Variants in SPIRE1 observed in about 807,000 individuals in gnomAD.
SPIRE1 encodes the protein protein spire homolog 1.
In SPIRE1, 40 loss-of-function variants were observed where a neutral mutation model predicts 94.1. That is an observed-to-expected ratio of 0.43 (90% confidence interval 0.33 to 0.55). The LOEUF (loss-of-function observed/expected upper bound fraction) is 0.55, where lower values mean the gene tolerates loss of function less well. Among genes scored for constraint, SPIRE1 ranks in the 20% least tolerant of loss-of-function variants. SPIRE1 has a pLI of 0.06. For missense variants in SPIRE1, 838 were observed against 975.2 expected (o/e 0.86, Z 1.87); for synonymous variants, 376 against 371.7 (o/e 1.01, Z -0.13).
At chr18:12,637,284 G>A (rs1285706979) in intron 1 of SPIRE1, among the ~76,000 whole-genome samples, 8 of 151,324 alleles carry the variant, frequency 5.3e-5, no homozygotes, top group African/African-American at 1.7e-4. Context: ...GCGTGAACCC[G>A]GGAGGCAGAG....
chr18:12,574,425 T>C (rs1326054329), intron 2 of SPIRE1, among the ~76,000 whole-genome samples: 4 of 152,100 alleles, frequency 2.6e-5, no homozygotes, highest in Non-Finnish European at 4.4e-5. Flanking sequence ...GGAGGTAGAA[T>C]GGACAGGACT....
At position 12,450,783 on chromosome 18, in the gene SPIRE1, T is replaced by A. The variant is rs534648733; in HGVS notation, c.2013-887A>T. 6 of 722,222 alleles carry A rather than the reference T, an allele frequency of 8.3e-6. No individual in the cohort carries two copies. In the East Asian group the frequency reaches 1.0e-4, roughly 12 times the overall value. The allele number at this position is 722,222 out of a possible 1,614,324, so 44.7% of individuals were successfully genotyped here. A position where few individuals can be genotyped will look rare whatever the true frequency, so the allele number is the denominator to read the frequency against. ...GAATTCCACCCCAAGATCAAATTCATAAACCCTGGCATCTCTATTGGAGAC... is the reference window on the plus strand; with the variant it reads ...GAATTCCACCCCAAGATCAAATTCAAAAACCCTGGCATCTCTATTGGAGAC... On this transcript the variant is annotated intron_variant, in intron 16 of 16. Transcript: ENST00000409402.
intron 10 of SPIRE1, among the ~76,000 whole-genome samples, chr18:12,467,553 A>C (rs1394565493): frequency 6.6e-6 from 1 of 152,244 alleles, no homozygotes. Context: ...TCTGCTGAGG[A>C]GTCATACACA....
chr18:12,494,938 T>C (rs888044769), intron 7 of SPIRE1, among the ~76,000 whole-genome samples: 1 of 148,688 alleles, frequency 6.7e-6, no homozygotes, highest in Non-Finnish European at 1.5e-5. Flanking sequence ...TAGTCCCAGC[T>C]ACTCGGGAGG....
At position 12,476,541 on chromosome 18, in the gene SPIRE1, CAAAAAAAAAAAA is replaced by C. The variant is rs558968043; in HGVS notation, c.1404+3146_1404+3157del. The stretch of plus-strand genomic sequence containing the variant: ...GGCTGGCAGAGCGAGACTCTGTCTC[CAAAAAAAAAAAA>C]AAAAAAAAAAAATATATATATATAT... On this transcript the variant is annotated intron_variant, in intron 10 of 16. Coordinates refer to ENST00000409402, the MANE Select transcript of SPIRE1 (RefSeq NM_001128626.2). Among the ~76,000 whole-genome samples the C allele has an allele frequency of 3.3e-3, 155 of 46,832 alleles. 1 individual carries two copies. The highest frequency in any genetic ancestry group is 0.025 in the Middle Eastern group (1 of 40). 30.7% of individuals were successfully genotyped at this position (46,832 alleles called of 152,430 possible).
intron 2 of SPIRE1, among the ~76,000 whole-genome samples, chr18:12,564,269 T>C (rs1787139914): frequency 6.6e-6 from 1 of 152,020 alleles, no homozygotes; most frequent in South Asian, 2.1e-4. Context: ...GCAAAGAAAG[T>C]TGGACTGGGT....
intron 4 of SPIRE1, among the ~76,000 whole-genome samples, chr18:12,533,467 G>T (rs1208283579): frequency 6.6e-6 from 1 of 152,098 alleles, no homozygotes; most frequent in Non-Finnish European, 1.5e-5. Context: ...TTAGAAAAAG[G>T]AACATCTCGC....
At chr18:12,616,533 T>A (rs1282097116) in intron 2 of SPIRE1, among the ~76,000 whole-genome samples, 1 of 152,178 alleles carries the variant, frequency 6.6e-6, no homozygotes. Flanking sequence ...AGTTGAAGAA[T>A]TTTTAAAAGG....
At chr18:12,596,142 G>T (rs1328646253) in intron 2 of SPIRE1, among the ~76,000 whole-genome samples, 1 of 152,202 alleles carries the variant, frequency 6.6e-6, no homozygotes, top group Admixed American at 6.5e-5. Context: ...GACTGTGTAT[G>T]AATGGAGTTT....
At chr18:12,591,256 G>A (rs1297781900) in intron 2 of SPIRE1, among the ~76,000 whole-genome samples, 4 of 152,258 alleles carry the variant, frequency 2.6e-5, no homozygotes, top group Admixed American at 2.6e-4. Flanking sequence ...AAAAGGAACT[G>A]CCAGTGCAAA....
intron 9 of SPIRE1, among the ~76,000 whole-genome samples, chr18:12,484,218 G>A (rs943438044): frequency 6.6e-6 from 1 of 152,158 alleles, no homozygotes; most frequent in Non-Finnish European, 1.5e-5. Context: ...CCAACTAATG[G>A]AAGCATCTTT....
intron 4 of SPIRE1, among the ~76,000 whole-genome samples, chr18:12,513,461 G>C (rs1386758065): frequency 6.6e-6 from 1 of 151,682 alleles, no homozygotes; most frequent in Non-Finnish European, 1.5e-5. Flanking sequence ...AATCTAGCTT[G>C]TTTTATATGA....
At chr18:12,513,481 ATACT>A (rs1311391543) in intron 4 of SPIRE1, among the ~76,000 whole-genome samples, 10 of 148,368 alleles carry the variant, frequency 6.7e-5, no homozygotes, top group Non-Finnish European at 1.5e-4. Context: ...AGAATAATGA[ATACT>A]TAACTTTATT....
intron 7 of SPIRE1, among the ~76,000 whole-genome samples, chr18:12,493,402 C>T (rs2033313578): frequency 6.6e-6 from 1 of 152,084 alleles, no homozygotes. Flanking sequence ...GTTATACATT[C>T]TCAAATTGTA....
At chr18:12,658,305 G>A (rs2144926935), upstream of SPIRE1, 1 of 441,494 alleles carries the variant, frequency 2.3e-6, no homozygotes, top group Non-Finnish European at 4.5e-6. Flanking sequence ...CCCGGTCGGG[G>A]GGCCCGGTCG....
rs373863645 is a variant in SPIRE1, at chr18:12,490,874, A to T, written c.1189+2198T>A. ...GAAAGCTTTTCCTCCAAAATCAGGA[A>T]CAAGGCAAGGATGACCACTTCTATA... is the stretch of plus-strand genomic sequence containing the variant. On this transcript the variant is annotated intron_variant, in intron 8 of 16. Coordinates refer to ENST00000409402, the MANE Select transcript of SPIRE1 (RefSeq NM_001128626.2). 2.5e-4 allele frequency among the ~76,000 whole-genome samples: 38 copies of T among 152,320 alleles called. No individual in the cohort carries two copies. The South Asian group carries it at 6.0e-3, about 24-fold the overall frequency.
intron 2 of SPIRE1, among the ~76,000 whole-genome samples, chr18:12,576,994 C>T (rs1372582521): frequency 1.3e-5 from 2 of 151,638 alleles, no homozygotes; most frequent in Non-Finnish European, 1.5e-5. Context: ...TAGTCCCACA[C>T]TTACATGATA....
chr18:12,529,627 C>G (rs2034629242), intron 4 of SPIRE1, among the ~76,000 whole-genome samples: 1 of 152,160 alleles, frequency 6.6e-6, no homozygotes, highest in African/African-American at 2.4e-5. Context: ...GAGCCTACTG[C>G]TGAAGAAATC....
chr18:12,476,907 C>T (rs976854016), intron 10 of SPIRE1, among the ~76,000 whole-genome samples: 1 of 151,976 alleles, frequency 6.6e-6, no homozygotes, highest in Admixed American at 6.6e-5. Flanking sequence ...ATGATTCATC[C>T]GGGTTTAAAC....
Sources: allele counts gnomAD v4.1 joint callset (sites outside exome capture counted in the v4.1 genomes callset), GRCh38; gene constraint gnomAD v4.1.1; transcripts MANE v1.5; gene names NCBI Gene and HGNC (gene_info 2026-07-23, HGNC 2026-07-21).